The following NAALADL2 variants were observed in gnomAD, a reference collection of about 807,000 sequenced individuals.
NAALADL2 encodes the protein N-acetylated alpha-linked acidic dipeptidase like 2.
A neutral mutation model predicts 87.2 loss-of-function variants in NAALADL2; 76 were observed. The observed-to-expected ratio is 0.87, with a 90% CI of 0.72 to 1.05. The LOEUF (loss-of-function observed/expected upper bound fraction) is 1.05, where lower values mean the gene tolerates loss of function less well. NAALADL2 is among the 50% of genes least tolerant of loss of function. The pLI is 0.00. For synonymous variants in NAALADL2, 354 were observed against 331.0 expected, an observed-to-expected ratio of 1.07 and a Z score of -0.75; for missense variants, 1,089 against 945.8, an observed-to-expected ratio of 1.15 and a Z score of -1.99.
intron 1 of NAALADL2, among the ~76,000 whole-genome samples, chr3:174,966,838 T>C (rs1223180617): frequency 2.6e-5 from 4 of 152,142 alleles, no homozygotes; most frequent in Non-Finnish European, 4.4e-5. Flanking sequence ...ATTGTAGGTA[T>C]AGGGTTAGAG....
intron 1 of NAALADL2, among the ~76,000 whole-genome samples, chr3:175,051,103 T>C (rs1755324065): frequency 6.6e-6 from 1 of 152,178 alleles, no homozygotes; most frequent in African/African-American, 2.4e-5. Context: ...AGAAATGGCA[T>C]AAAAAATTTA....
intron 1 of NAALADL2, among the ~76,000 whole-genome samples, chr3:174,869,856 C>T (rs188737269): frequency 9.0e-4 from 136 of 151,794 alleles, no homozygotes; most frequent in Middle Eastern, 3.4e-3. Flanking sequence ...ATTAGCTGGG[C>T]GTGGTGGCTC....
intron 5 of NAALADL2, among the ~76,000 whole-genome samples, chr3:175,409,611 A>AT (rs889823185): frequency 1.1e-4 from 16 of 151,512 alleles, no homozygotes; most frequent in South Asian, 2.1e-4. Flanking sequence ...GAAGGAAAAC[A>AT]TTTTTTTTAC....
intron 13 of NAALADL2, among the ~76,000 whole-genome samples, chr3:175,795,305 A>G (rs771942296): frequency 6.6e-6 from 1 of 152,166 alleles, no homozygotes; most frequent in Non-Finnish European, 1.5e-5. Context: ...TGCATACCTC[A>G]TGGGGACTGT....
intron 5 of NAALADL2, among the ~76,000 whole-genome samples, chr3:175,392,916 A>C (rs1769247831): frequency 6.6e-6 from 1 of 152,194 alleles, no homozygotes; most frequent in Non-Finnish European, 1.5e-5. Context: ...GTTATCACAG[A>C]AAAGACTACA....
intron 1 of NAALADL2, among the ~76,000 whole-genome samples, chr3:174,922,940 T>A (rs374820209): frequency 6.6e-6 from 1 of 152,222 alleles, no homozygotes; most frequent in African/African-American, 2.4e-5. Flanking sequence ...TCAACGATTC[T>A]CCATTTTAAA....
chr3:175,489,999 G>A (rs544998256), intron 9 of NAALADL2, among the ~76,000 whole-genome samples: 2 of 152,276 alleles, frequency 1.3e-5, no homozygotes, highest in East Asian at 3.9e-4. Flanking sequence ...GATATGGGTA[G>A]ATTGTCCTGA....
chr3:174,962,305 T>C (rs569185018), intron 1 of NAALADL2, among the ~76,000 whole-genome samples: 12 of 141,944 alleles, frequency 8.5e-5, no homozygotes, highest in South Asian at 4.4e-4. Context: ...TTTAAGTCAC[T>C]CTTTTCAGCT....
At position 174,770,636 on chromosome 3, in the gene NAALADL2, C is replaced by T. The variant is rs577449702; in HGVS notation, c.-9+32890C>T. On this transcript the variant is annotated intron_variant, in intron 3 of 3. Transcript: ENST00000434257. ...TGGGCGGATCACGAGGTCAGGAGAT[C>T]GAGACCATCCTGGCTAACACGGTGA... 6.4e-4 allele frequency among the ~76,000 whole-genome samples: 98 copies of T among 152,106 alleles called. 1 individual carries two copies. The highest frequency in any genetic ancestry group is 2.2e-3 in the African/African-American group (91 of 41,510).
intron 9 of NAALADL2, among the ~76,000 whole-genome samples, chr3:175,524,393 G>A (rs1394450869): frequency 1.3e-5 from 2 of 152,226 alleles, no homozygotes; most frequent in East Asian, 3.9e-4. Context: ...TTTGTTTCAA[G>A]CCTTTACTTA....
intron 1 of NAALADL2, among the ~76,000 whole-genome samples, chr3:174,890,610 C>A (rs1461157778): frequency 2.0e-5 from 3 of 152,100 alleles, no homozygotes; most frequent in Non-Finnish European, 4.4e-5. Context: ...GAGGGAATTA[C>A]AAATTGCCCA....
chr3:174,635,869 C>G (rs533832797), intron 2 of NAALADL2, among the ~76,000 whole-genome samples: 206 of 152,168 alleles, frequency 1.4e-3, no homozygotes, highest in Non-Finnish European at 2.4e-3. Context: ...AAGTCTTTAC[C>G]TATTGATGAC....
chr3:174,619,888 T>C, intron 2 of NAALADL2, among the ~76,000 whole-genome samples: 1 of 152,016 alleles, frequency 6.6e-6, no homozygotes, highest in East Asian at 1.9e-4. Context: ...CAAATAGTTA[T>C]TATATACTAT....
At chr3:175,608,950 T>C (rs1168967640) in intron 10 of NAALADL2, among the ~76,000 whole-genome samples, 1 of 91,708 alleles carries the variant, frequency 1.1e-5, no homozygotes, top group Non-Finnish European at 2.1e-5. Flanking sequence ...GCTATCACCA[T>C]AAAACATACC....
At chr3:175,044,832 T>G (rs908991587) in intron 1 of NAALADL2, among the ~76,000 whole-genome samples, 1 of 152,128 alleles carries the variant, frequency 6.6e-6, no homozygotes, top group East Asian at 1.9e-4. Context: ...TGTTACTGCT[T>G]CTTATCACCG....
chr3:175,759,193 C>G (rs1246244447), intron 13 of NAALADL2, among the ~76,000 whole-genome samples: 1 of 152,020 alleles, frequency 6.6e-6, no homozygotes, highest in Non-Finnish European at 1.5e-5. Flanking sequence ...TCCCTACCTT[C>G]AAGGAGCTTC....
chr3:175,032,812 C>G (rs923574724), intron 1 of NAALADL2, among the ~76,000 whole-genome samples: 2 of 152,046 alleles, frequency 1.3e-5, no homozygotes, highest in African/African-American at 4.8e-5. Context: ...ATTGTGTCAT[C>G]AAGTTACTTA....
intron 1 of NAALADL2, among the ~76,000 whole-genome samples, chr3:174,448,584 A>G (rs1577934272): frequency 1.3e-5 from 2 of 152,194 alleles, no homozygotes; most frequent in African/African-American, 2.4e-5. Flanking sequence ...TCTAGATTCT[A>G]TTGCTCACTG....
At chr3:175,752,331 T>C (rs1195302649) in intron 12 of NAALADL2, among the ~76,000 whole-genome samples, 1 of 152,094 alleles carries the variant, frequency 6.6e-6, no homozygotes, top group Non-Finnish European at 1.5e-5. Flanking sequence ...TTTTAGGTGC[T>C]AGGGAAATGG....
Sources: allele counts gnomAD v4.1 joint callset (sites outside exome capture counted in the v4.1 genomes callset), GRCh38; gene constraint gnomAD v4.1.1; transcripts MANE v1.5; gene names NCBI Gene and HGNC (gene_info 2026-07-23, HGNC 2026-07-21).